SUMF1: variants seen among roughly 807,000 people sequenced by gnomAD.
The protein encoded by SUMF1 is formylglycine-generating enzyme.
SUMF1 carries 48 observed loss-of-function variants against 47.6 expected under a neutral mutation model. The ratio of observed to expected loss-of-function variants is 1.01; its 90% CI spans 0.80 to 1.28. SUMF1 has a LOEUF of 1.28. Ranked by LOEUF, SUMF1 falls within the 50% of genes most tolerant of loss-of-function variation. The pLI is 0.00. For missense variants in SUMF1, 571 were observed against 485.4 expected, an observed-to-expected ratio of 1.18 and a Z score of -1.66; for synonymous variants, 230 against 192.1, an observed-to-expected ratio of 1.20 and a Z score of -1.63.
At chr3:4,210,301 G>A (rs1222207025) in intron 8 of SUMF1, among the ~76,000 whole-genome samples, 1 of 152,090 alleles carries the variant, frequency 6.6e-6, no homozygotes, top group African/African-American at 2.4e-5. Flanking sequence ...ATTGGAAAAT[G>A]TACATGAAAA....
intron 8 of SUMF1, among the ~76,000 whole-genome samples, chr3:4,227,553 A>G (rs1407159321): frequency 6.6e-6 from 1 of 152,020 alleles, no homozygotes; most frequent in East Asian, 1.9e-4. Flanking sequence ...CATGTTCTCC[A>G]CACTACCTTG....
intron 8 of SUMF1, among the ~76,000 whole-genome samples, chr3:4,161,273 C>G (rs1326448057): frequency 6.6e-6 from 1 of 152,178 alleles, no homozygotes; most frequent in East Asian, 1.9e-4. Flanking sequence ...CTGGGTCAGA[C>G]ACAGCACTGG....
intron 7 of SUMF1, among the ~76,000 whole-genome samples, chr3:4,406,632 C>T (rs564516228): frequency 1.6e-4 from 25 of 152,154 alleles, no homozygotes; most frequent in Admixed American, 1.2e-3. Context: ...TGCACTCCAT[C>T]CTGGGTGACA....
chr3:4,234,917 G>A (rs1490964276), intron 8 of SUMF1, among the ~76,000 whole-genome samples: 2 of 152,200 alleles, frequency 1.3e-5, no homozygotes, highest in Non-Finnish European at 2.9e-5. Flanking sequence ...GCATTTGTAT[G>A]TAGATGTGTG....
At chr3:4,106,328 C>A (rs998242023) in intron 8 of SUMF1, among the ~76,000 whole-genome samples, 2 of 152,042 alleles carry the variant, frequency 1.3e-5, no homozygotes, top group Non-Finnish European at 2.9e-5. Flanking sequence ...GATATTTCTA[C>A]TTCTTTTTTC....
intron 8 of SUMF1, among the ~76,000 whole-genome samples, chr3:4,319,330 T>C (rs1320320767): frequency 6.6e-6 from 1 of 152,182 alleles, no homozygotes; most frequent in African/African-American, 2.4e-5. Context: ...AATGTTGCCA[T>C]GAAAGAAGTA....
At chr3:4,463,219 C>A (rs1324036485) in intron 1 of SUMF1, among the ~76,000 whole-genome samples, 1 of 152,158 alleles carries the variant, frequency 6.6e-6, no homozygotes. Flanking sequence ...GGGCTGGGCG[C>A]GGTGGCTCAC....
At chr3:4,453,679 G>A (rs1326327430) in intron 1 of SUMF1, among the ~76,000 whole-genome samples, 2 of 151,756 alleles carry the variant, frequency 1.3e-5, no homozygotes, top group East Asian at 3.9e-4. Flanking sequence ...GATTACAGGC[G>A]CCCACCACCA....
At chr3:4,202,009 C>T (rs1695550841) in intron 8 of SUMF1, among the ~76,000 whole-genome samples, 2 of 151,914 alleles carry the variant, frequency 1.3e-5, no homozygotes, top group South Asian at 2.1e-4. Flanking sequence ...TTATTAATTG[C>T]TTGTCAGATG....
chr3:4,065,041 TC>T (rs1305023283), intron 9 of SUMF1, among the ~76,000 whole-genome samples: 2 of 152,136 alleles, frequency 1.3e-5, no homozygotes, highest in Non-Finnish European at 2.9e-5. Context: ...CTCCACCCTC[TC>T]TGGCAAGTCC....
At chr3:4,391,019 G>T (rs1276183428) in intron 7 of SUMF1, among the ~76,000 whole-genome samples, 1 of 152,162 alleles carries the variant, frequency 6.6e-6, no homozygotes, top group Non-Finnish European at 1.5e-5. Flanking sequence ...TTGAAGGATT[G>T]TTCTCCTGGA....
At chr3:4,440,588 CCA>C (rs1172296343) in intron 3 of SUMF1, among the ~76,000 whole-genome samples, 6 of 152,166 alleles carry the variant, frequency 3.9e-5, no homozygotes, top group African/African-American at 1.4e-4. Flanking sequence ...CTGTCCCAGT[CCA>C]GTGTCATCCA....
intron 8 of SUMF1, among the ~76,000 whole-genome samples, chr3:4,111,788 G>A (rs540161847): frequency 7.9e-5 from 12 of 152,190 alleles, no homozygotes; most frequent in South Asian, 4.2e-4. Flanking sequence ...ATGTGTTTAC[G>A]TGTATGTATA....
chr3:4,180,543 T>C (rs758511324), intron 8 of SUMF1, among the ~76,000 whole-genome samples: 5 of 148,838 alleles, frequency 3.4e-5, no homozygotes, highest in Non-Finnish European at 6.0e-5. Flanking sequence ...GGGCCTGTCA[T>C]GGGGTGGGGG....
chr3:4,271,347 T>C (rs754011762), intron 8 of SUMF1, among the ~76,000 whole-genome samples: 16 of 152,204 alleles, frequency 1.1e-4, no homozygotes, highest in Non-Finnish European at 2.1e-4. Context: ...CATATATTTT[T>C]ACCTACCAAA....
intron 8 of SUMF1, among the ~76,000 whole-genome samples, chr3:4,321,858 G>A (rs58673214): frequency 6.6e-6 from 1 of 152,062 alleles, no homozygotes; most frequent in Non-Finnish European, 1.5e-5. Context: ...GGGGAGCAGA[G>A]TAACTTTACT....
At chr3:4,360,223 T>TTTG (rs1699715536), downstream of SUMF1, among the ~76,000 whole-genome samples, 1 of 149,884 alleles carries the variant, frequency 6.7e-6, no homozygotes, top group East Asian at 1.9e-4. Context: ...TTTTTTTTTT[T>TTTG]GCCTGGGATT....
intron 8 of SUMF1, among the ~76,000 whole-genome samples, chr3:4,200,008 A>G (rs1029667788): frequency 6.6e-6 from 1 of 151,994 alleles, no homozygotes; most frequent in African/African-American, 2.4e-5. Context: ...TTTGCATCCT[A>G]TCTAAAGGTC....
At chr3:4,386,023 G>T (rs1700660947) in intron 7 of SUMF1, among the ~76,000 whole-genome samples, 1 of 151,428 alleles carries the variant, frequency 6.6e-6, no homozygotes, top group African/African-American at 2.4e-5. Context: ...AAACAGTCTT[G>T]ATTACTGTAG....
Sources: allele counts gnomAD v4.1 joint callset (sites outside exome capture counted in the v4.1 genomes callset), GRCh38; gene constraint gnomAD v4.1.1; transcripts MANE v1.5; gene names NCBI Gene and HGNC (gene_info 2026-07-23, HGNC 2026-07-21).